PDLIM5: variants seen among roughly 807,000 people sequenced by gnomAD.
PDLIM5 encodes the protein PDZ and LIM domain 5, also known as PDZ and LIM domain protein 5.
In PDLIM5, 34 loss-of-function variants were observed where a neutral mutation model predicts 64.2. The ratio of observed to expected loss-of-function variants is 0.53; its 90% confidence interval spans 0.40 to 0.71. PDLIM5 has a LOEUF of 0.71. Ranked by LOEUF, PDLIM5 falls within the 30% of genes least tolerant of loss-of-function variation. PDLIM5 has a pLI of 0.00. For missense variants in PDLIM5, 683 were observed against 733.6 expected (o/e 0.93, Z 0.80); for synonymous variants, 253 against 269.1 (o/e 0.94, Z 0.59).
At chr4:94,660,882 G>A (rs1365175214) in intron 11 of PDLIM5, among the ~76,000 whole-genome samples, 2 of 151,310 alleles carry the variant, frequency 1.3e-5, no homozygotes, top group African/African-American at 4.9e-5. Flanking sequence ...CAACCAGCCT[G>A]GGCAAGATGG....
At chr4:94,523,511 T>TA (rs1315070961) in intron 2 of PDLIM5, among the ~76,000 whole-genome samples, 1 of 152,194 alleles carries the variant, frequency 6.6e-6, no homozygotes, top group Non-Finnish European at 1.5e-5. Flanking sequence ...AGTTTTTTTT[T>TA]ATAGAGCAAA....
intron 8 of PDLIM5, among the ~76,000 whole-genome samples, chr4:94,627,937 T>A (rs1739833771): frequency 6.6e-6 from 1 of 152,240 alleles, no homozygotes; most frequent in South Asian, 2.1e-4. Context: ...CTTAAATGTA[T>A]CTTCCACACC....
chr4:94,627,463 T>C lies in PDLIM5; in HGVS notation c.1108+9272T>C, dbSNP rs142761679. On this transcript the variant is annotated intron_variant, in intron 8 of 12. Transcript: ENST00000317968. ...TATTAAACTTTTTATAAGGCAGACA[T>C]CTACATTTGTTCATATATGCTTTTC... 3.5e-4 allele frequency among the ~76,000 whole-genome samples: 54 copies of C among 152,370 alleles called. No individual in the cohort carries two copies. In the South Asian group the frequency reaches 4.1e-3, roughly 12 times the overall value.
At chr4:94,609,755 T>C (rs1432135021) in intron 7 of PDLIM5, among the ~76,000 whole-genome samples, 2 of 152,184 alleles carry the variant, frequency 1.3e-5, no homozygotes, top group Non-Finnish European at 2.9e-5. Flanking sequence ...TAAAGCTCAT[T>C]GTATAGAGAC....
intron 8 of PDLIM5, among the ~76,000 whole-genome samples, chr4:94,629,881 G>A (rs1218395600): frequency 6.6e-6 from 1 of 152,094 alleles, no homozygotes; most frequent in Admixed American, 6.5e-5. Context: ...CCAGATCTTG[G>A]CTTAACTGTC....
intron 2 of PDLIM5, among the ~76,000 whole-genome samples, chr4:94,510,880 CAAATA>C (rs1163961960): frequency 1.3e-5 from 2 of 151,726 alleles, no homozygotes; most frequent in African/African-American, 2.4e-5. Context: ...CATGATAGTA[CAAATA>C]AAATAAAATA....
intron 5 of PDLIM5, chr4:94,582,650 T>C: frequency 2.1e-6 from 2 of 964,114 alleles, no homozygotes; most frequent in Non-Finnish European, 3.3e-6. Flanking sequence ...TTGTTCATCT[T>C]CCGGGGAACA....
At chr4:94,499,624 CT>C (rs1214295582) in intron 2 of PDLIM5, among the ~76,000 whole-genome samples, 2 of 152,282 alleles carry the variant, frequency 1.3e-5, no homozygotes, top group East Asian at 3.9e-4. Flanking sequence ...TATACAAATA[CT>C]ATGCCATTTT....
chr4:94,524,120 A>G (rs1330154557), intron 3 of PDLIM5, among the ~76,000 whole-genome samples: 1 of 152,180 alleles, frequency 6.6e-6, no homozygotes, highest in East Asian at 1.9e-4. Context: ...CTGTAATCCC[A>G]GCACTTTGGG....
At chr4:94,498,921 C>T (rs1294624933) in intron 2 of PDLIM5, among the ~76,000 whole-genome samples, 1 of 152,152 alleles carries the variant, frequency 6.6e-6, no homozygotes, top group African/African-American at 2.4e-5. Flanking sequence ...TCTCATTTAG[C>T]AGATTGCTCA....
At chr4:94,596,009 AATTG>A (rs1432942742) in intron 7 of PDLIM5, among the ~76,000 whole-genome samples, 6 of 152,174 alleles carry the variant, frequency 3.9e-5, no homozygotes, top group African/African-American at 1.4e-4. Flanking sequence ...GAATATTTGT[AATTG>A]ATCTTTGATT....
chr4:94,642,574 T>C lies in PDLIM5; in HGVS notation c.1283+2124T>C, dbSNP rs1741082607. On this transcript the variant is annotated intron_variant, in intron 9 of 12. Transcript: ENST00000317968. The stretch of plus-strand genomic sequence containing the variant: ...GTTCTGGATTATCCAGTACTTGTTA[T>C]CAGTTAAGCATTAAAGCTTCATTTA... Among the ~76,000 whole-genome samples, 6 of 152,348 alleles carry C rather than the reference T, an allele frequency of 3.9e-5. No individual in the cohort carries two copies. The South Asian group carries it at 1.2e-3, about 32-fold the overall frequency.
intron 9 of PDLIM5, among the ~76,000 whole-genome samples, chr4:94,650,428 C>T (rs1186141653): frequency 2.6e-5 from 4 of 152,108 alleles, no homozygotes; most frequent in Non-Finnish European, 4.4e-5. Context: ...TTCTTGAGCA[C>T]GTCAGTTTTT....
At chr4:94,573,316 A>G (rs77148733) in intron 3 of PDLIM5, 35 bp from the exon 4 acceptor site, 1 of 1,467,838 alleles carries the variant, frequency 6.8e-7, no homozygotes, top group South Asian at 1.2e-5. Context: ...AAAATTCATT[A>G]TTTTTTTTTT....
At chr4:94,542,551 C>G (rs954055144) in intron 3 of PDLIM5, among the ~76,000 whole-genome samples, 2 of 152,144 alleles carry the variant, frequency 1.3e-5, no homozygotes, top group African/African-American at 4.8e-5. Flanking sequence ...TCTTCCTAAT[C>G]AGTAGATTCT....
intron 2 of PDLIM5, among the ~76,000 whole-genome samples, chr4:94,465,196 G>A (rs959892411): frequency 2.0e-5 from 3 of 151,974 alleles, no homozygotes; most frequent in East Asian, 3.9e-4. Context: ...GAACATTCAT[G>A]TATCCTTTGC....
intron 3 of PDLIM5, among the ~76,000 whole-genome samples, chr4:94,552,475 AAAAG>A (rs1732894053): frequency 6.6e-6 from 1 of 152,138 alleles, no homozygotes; most frequent in South Asian, 2.1e-4. Context: ...TTTAAAATAA[AAAAG>A]AAATAGATTA....
chr4:94,618,725 C>G (rs1393003592), intron 8 of PDLIM5, among the ~76,000 whole-genome samples: 2 of 152,194 alleles, frequency 1.3e-5, no homozygotes, highest in African/African-American at 2.4e-5. Context: ...TTCTCATTGA[C>G]TTCTACAGAT....
intron 8 of PDLIM5, among the ~76,000 whole-genome samples, chr4:94,624,904 CATTATTAAAAGATTATT>C (rs1739544996): frequency 6.6e-6 from 1 of 152,166 alleles, no homozygotes. Context: ...ATCAGACTTG[CATTATTAAAAGATTATT>C]ATAGCATTAA....
Sources: allele counts gnomAD v4.1 joint callset (sites outside exome capture counted in the v4.1 genomes callset), GRCh38; gene constraint gnomAD v4.1.1; transcripts MANE v1.5; gene names NCBI Gene and HGNC (gene_info 2026-07-23, HGNC 2026-07-21).